CCDC83: variants seen among roughly 807,000 people sequenced by gnomAD.
The protein encoded by CCDC83 is coiled-coil domain containing 83, also known as coiled-coil domain-containing protein 83.
CCDC83 carries 54 observed loss-of-function variants against 50.1 expected under a neutral mutation model. That is an observed-to-expected ratio of 1.08 (90% CI 0.87 to 1.35). The LOEUF is 1.35. CCDC83 is among the 40% of genes most tolerant of loss of function. The probability of loss-of-function intolerance (pLI) is 0.00; values close to 1 mark genes in which losing one functional copy is unlikely to be tolerated. For missense variants in CCDC83, 518 were observed against 473.9 expected (o/e 1.09, Z -0.86); for synonymous variants, 161 against 153.3 (o/e 1.05, Z -0.37).
At chr11:85,863,848 C>G (rs1426476242) in intron 1 of CCDC83, among the ~76,000 whole-genome samples, 1 of 152,244 alleles carries the variant, frequency 6.6e-6, no homozygotes, top group Non-Finnish European at 1.5e-5. Flanking sequence ...CCTGGAGCAA[C>G]AACTGAAGGG....
intron 7 of CCDC83, among the ~76,000 whole-genome samples, chr11:85,909,795 C>T (rs1318377428): frequency 6.6e-6 from 1 of 151,640 alleles, no homozygotes; most frequent in African/African-American, 2.4e-5. Flanking sequence ...CCAACAGAAC[C>T]AGGACATTTT....
At chr11:85,904,467 G>T (rs889618070) in intron 7 of CCDC83, among the ~76,000 whole-genome samples, 1 of 152,158 alleles carries the variant, frequency 6.6e-6, no homozygotes, top group Non-Finnish European at 1.5e-5. Flanking sequence ...ATTCCCTTTA[G>T]ATACAAAGTA....
chr11:85,857,368 G>A (rs2093147861), intron 1 of CCDC83, among the ~76,000 whole-genome samples: 1 of 152,216 alleles, frequency 6.6e-6, no homozygotes, highest in African/African-American at 2.4e-5. Flanking sequence ...GCCAAGGCTG[G>A]CATTCCAGTT....
intron 1 of CCDC83, among the ~76,000 whole-genome samples, chr11:85,859,802 A>G (rs945062923): frequency 6.6e-6 from 1 of 152,228 alleles, no homozygotes; most frequent in African/African-American, 2.4e-5. Context: ...AACTGCAACA[A>G]CAACAAAAAA....
At chr11:85,914,904 A>T (rs1451494981) in intron 8 of CCDC83, among the ~76,000 whole-genome samples, 1 of 152,222 alleles carries the variant, frequency 6.6e-6, no homozygotes, top group Non-Finnish European at 1.5e-5. Flanking sequence ...CCTTCTTCAC[A>T]TGGCAGCAGG....
chr11:85,893,638 G>A (rs1007182755), intron 5 of CCDC83, among the ~76,000 whole-genome samples: 2 of 152,170 alleles, frequency 1.3e-5, no homozygotes, highest in Admixed American at 6.5e-5. Flanking sequence ...TATTTACAGC[G>A]GCTCTCCATC....
rs1592160234 is a variant in CCDC83, at chr11:85,886,194, C to T, written c.344-6C>T. On this transcript the variant is annotated splice_region_variant and splice_polypyrimidine_tract_variant and intron_variant, in intron 4 of 10. Coordinates refer to ENST00000342404, the MANE Select transcript of CCDC83 (RefSeq NM_001286159.2). The stretch of plus-strand genomic sequence containing the variant: ...AGAAATGACACAGTGTCTTTATTTT[C>T]AACAGATATGCGCATGCAAATAAGT... The T allele has an allele frequency of 6.5e-7, 1 of 1,533,740 alleles. No individual in the cohort carries two copies. Among genetic ancestry groups the T allele is most frequent in the African/African-American group, 1.4e-5 (1 of 72,490 alleles).
At chr11:85,865,330 A>T (rs1256972309) in intron 2 of CCDC83, 112 bp downstream of exon 2, 22 of 718,908 alleles carry the variant, frequency 3.1e-5, no homozygotes, top group Non-Finnish European at 4.8e-5. Flanking sequence ...AAAAGAATAG[A>T]GGTGGGTTTG....
intron 2 of CCDC83, among the ~76,000 whole-genome samples, chr11:85,870,447 T>G (rs895806333): frequency 1.3e-5 from 2 of 152,234 alleles, no homozygotes; most frequent in African/African-American, 4.8e-5. Context: ...TAGGTTCTTT[T>G]CAGATAATTT....
intron 1 of CCDC83, among the ~76,000 whole-genome samples, chr11:85,857,232 G>A (rs903318202): frequency 1.3e-5 from 2 of 152,150 alleles, no homozygotes; most frequent in African/African-American, 2.4e-5. Context: ...AAGGGCACGC[G>A]CATCACCAGT....
chr11:85,874,835 G>C (rs1294598825), intron 3 of CCDC83, among the ~76,000 whole-genome samples: 1 of 152,172 alleles, frequency 6.6e-6, no homozygotes, highest in Non-Finnish European at 1.5e-5. Context: ...CTATTGCACA[G>C]AAAATAAAAT....
chr11:85,898,781 T>C (rs2093387005), intron 6 of CCDC83, among the ~76,000 whole-genome samples, 166 bp from the exon 7 acceptor site: 1 of 152,180 alleles, frequency 6.6e-6, no homozygotes, highest in Non-Finnish European at 1.5e-5. Context: ...AGCAATACAA[T>C]AGGATAGTAA....
rs990783392 is a variant in CCDC83, at chr11:85,909,590, C to A, written c.673-1691C>A. Among the ~76,000 whole-genome samples the A allele has an allele frequency of 8.0e-5, 10 of 124,586 alleles. 1 individual carries two copies. Among genetic ancestry groups the A allele is most frequent in the Admixed American group, 6.2e-4 (7 of 11,292 alleles). 81.7% of individuals were successfully genotyped at this position (124,586 alleles called of 152,430 possible). ...TTCCCACTATCAAGCCCTCTTTGGA[C>A]AAAAGTCATCAAAATACACTTTTTT... On this transcript the variant is annotated intron_variant, in intron 7 of 10. Transcript: ENST00000342404.
rs72949408 is a variant in CCDC83 at position 85,919,914 on chromosome 11, T to C, written c.*404T>C. ...TTCCCTCTGAGGATGCTCAATGTGATAGACAGCCAGTCTATAATGCAAGCC... is the reference window on the plus strand; with the variant it reads ...TTCCCTCTGAGGATGCTCAATGTGACAGACAGCCAGTCTATAATGCAAGCC... On this transcript the variant is annotated 3_prime_UTR_variant, in exon 11 of 11. Coordinates refer to ENST00000342404, the MANE Select transcript of CCDC83 (RefSeq NM_001286159.2). 1,480 of 189,384 alleles carry C rather than the reference T, an allele frequency of 7.8e-3. 16 individuals carry two copies. The highest frequency in any genetic ancestry group is 0.027 in the African/African-American group (1,146 of 41,816). The allele number at this position is 189,384 out of a possible 1,614,324, so 11.7% of individuals were successfully genotyped here.
At chr11:85,861,226 G>T (rs2093174395) in intron 1 of CCDC83, among the ~76,000 whole-genome samples, 1 of 152,194 alleles carries the variant, frequency 6.6e-6, no homozygotes, top group Non-Finnish European at 1.5e-5. Context: ...TTTCAGCTTT[G>T]CAATTAACAT....
At chr11:85,886,506 A>C in intron 5 of CCDC83, 139 bp downstream of exon 5, 1 of 610,578 alleles carries the variant, frequency 1.6e-6, no homozygotes, top group Non-Finnish European at 2.5e-6. Context: ...CCTAAGGGTA[A>C]AGGTGGAGGG....
chr11:85,895,292 G>C lies in CCDC83; in HGVS notation c.512-1G>C. The C allele has an allele frequency of 2.5e-6, 1 of 392,874 alleles. No homozygotes were observed. The highest frequency in any genetic ancestry group is 4.0e-6 in the Non-Finnish European group (1 of 247,388). The allele number at this position is 392,874 out of a possible 1,614,324, so 24.3% of individuals were successfully genotyped here. ...TTTTTTTTTTTTTTTTTTTTTTAAA[G>C]AACACTATAAAATCACTCTGGAAGA... is the stretch of plus-strand genomic sequence containing the variant. On this transcript the variant is annotated splice_acceptor_variant, in intron 5 of 10. Coordinates refer to ENST00000342404, the MANE Select transcript of CCDC83 (RefSeq NM_001286159.2). LOFTEE classifies it high-confidence loss of function.
At chr11:85,891,829 T>C (rs113414534) in intron 5 of CCDC83, among the ~76,000 whole-genome samples, 2,326 of 152,262 alleles carry the variant, frequency 0.015, 68 homozygotes, top group African/African-American at 0.052. Flanking sequence ...CCCAGGGAAG[T>C]TAATTGCCCT....
chr11:85,897,711 T>C lies in CCDC83; in HGVS notation c.604-1236T>C, dbSNP rs2093381772. On this transcript the variant is annotated intron_variant, in intron 6 of 10. Coordinates refer to ENST00000342404, the MANE Select transcript of CCDC83 (RefSeq NM_001286159.2). ...TCAGTTAGGAGCAACTTCTTGCTTT[T>C]GTCCACATGAAATTCTATGTTGGAG... 2.6e-5 allele frequency among the ~76,000 whole-genome samples: 4 copies of C among 152,252 alleles called. No homozygotes were observed. In the South Asian group the frequency reaches 6.2e-4, roughly 24 times the overall value.
Sources: gnomAD v4.1 joint callset for allele counts (sites outside exome capture counted in the v4.1 genomes callset) on GRCh38, gnomAD v4.1.1 for gene constraint, MANE v1.5 for transcripts, NCBI Gene and HGNC (gene_info 2026-07-23, HGNC 2026-07-21) for gene names.